Variants in CASP10 observed in about 807,000 individuals in gnomAD.
CASP10 encodes the protein caspase 10.
In CASP10, 41 loss-of-function variants were observed where a neutral mutation model predicts 48.5. The observed-to-expected ratio is 0.85, with a 90% CI of 0.66 to 1.10. The LOEUF (loss-of-function observed/expected upper bound fraction) is 1.10. Ranked by LOEUF, CASP10 falls within the 50% of genes least tolerant of loss-of-function variation. CASP10 has a pLI of 0.00. For synonymous variants in CASP10, 232 were observed against 238.4 expected, an observed-to-expected ratio of 0.97 and a Z score of 0.25; for missense variants, 614 against 614.5, an observed-to-expected ratio of 1.00 and a Z score of 0.01.
chr2:201,224,827 C>G (rs1191976898), downstream of CASP10, among the ~76,000 whole-genome samples: 1 of 152,066 alleles, frequency 6.6e-6, no homozygotes, highest in African/African-American at 2.4e-5. Context: ...TTTCTGATTA[C>G]ATAGTAATGT....
rs1271172644 is a variant in CASP10, at chr2:201,217,979, T to G, written c.*238T>G. On this transcript the variant is annotated 3_prime_UTR_variant, in exon 10 of 10. Transcript: ENST00000286186. Reference sequence around the variant, plus strand: ...CCCAGACTGGAGTGCAGGGGGGCAATCACGGCTCACTGTAGTCTCGACCTC... The same window carrying G: ...CCCAGACTGGAGTGCAGGGGGGCAAGCACGGCTCACTGTAGTCTCGACCTC... The G allele has an allele frequency of 5.3e-6, 6 of 1,125,630 alleles. No individual in the cohort carries two copies. Among genetic ancestry groups the G allele is most frequent in the Non-Finnish European group, 7.0e-6 (6 of 858,634 alleles). 69.7% of individuals were successfully genotyped at this position (1,125,630 alleles called of 1,614,324 possible). A position where few individuals can be genotyped will look rare whatever the true frequency, so the allele number is the denominator to read the frequency against.
chr2:201,209,370 C>T lies in CASP10; in HGVS notation c.1223C>T (p.Pro408Leu), dbSNP rs1287968835. Residue 408 changes from proline (P) to leucine (L), a missense_variant, in exon 9 of 10, where the codon CCT becomes CTT. Coordinates refer to ENST00000286186, the MANE Select transcript of CASP10 (RefSeq NM_032977.4). The part of the protein sequence containing the change: ...IQACQGEEIQ[P>L]SVSIEADALN... ...GCCTGCCAAGGTGAAGAGATACAGC[C>T]TTCCGTATCCATCGAAGCAGATGCT... 1.9e-6 allele frequency: 3 copies of T among 1,614,148 alleles called. No homozygotes were observed. The highest frequency in any genetic ancestry group is 1.7e-5 in the Admixed American group (1 of 60,012).
At position 201,220,201 on chromosome 2, in the gene CASP10, C is replaced by A; in HGVS notation, c.*2460C>A. ...ACACCGTCATCTTAGACAAACACCG[C>A]CACTTTAAGTTCCAGTTCCCTTTCT... On this transcript the variant is annotated 3_prime_UTR_variant, in exon 10 of 10. Transcript: ENST00000286186. The A allele has an allele frequency of 1.1e-6, 1 of 947,250 alleles. No homozygotes were observed. Among genetic ancestry groups the A allele is most frequent in the Non-Finnish European group, 1.3e-6 (1 of 795,162 alleles). The allele number at this position is 947,250 out of a possible 1,614,324, so 58.7% of individuals were successfully genotyped here.
intron 7 of CASP10, among the ~76,000 whole-genome samples, chr2:201,207,209 A>G (rs1945234499): frequency 6.6e-6 from 1 of 152,250 alleles, no homozygotes; most frequent in African/African-American, 2.4e-5. Flanking sequence ...AATTTTATTC[A>G]GATCACAATT....
chr2:201,183,858 TTATTTATTTA>T (rs1576053516), intron 1 of CASP10, among the ~76,000 whole-genome samples: 1 of 33,926 alleles, frequency 2.9e-5, no homozygotes, highest in African/African-American at 2.2e-4. Flanking sequence ...CTTCCTTCCT[TTATTTATTTA>T]TTTATTTATT....
In CASP10 at chr2:201,208,141, T is replaced by G. The variant is rs745398864; in HGVS notation, c.880T>G (p.Phe294Val). ...GLCVIVNNHS[F>V]TSLKDRQGTH... The stretch of plus-strand genomic sequence containing the variant: ...CTGTGTCATTGTCAACAACCACAGC[T>G]TTACCTCCCTGAAGGACAGACAAGG... Residue 294 changes from phenylalanine to valine, a missense_variant, in exon 8 of 10, where the codon TTT becomes GTT. By Grantham distance (50) the Phe-to-Val change is conservative (BLOSUM62 -1). Transcript: ENST00000286186. The G allele has an allele frequency of 6.2e-7, 1 of 1,614,020 alleles. No individual in the cohort carries two copies.
At chr2:201,187,549 A>C (rs1376286583) in intron 2 of CASP10, 157 bp from the exon 3 acceptor site, 1 of 700,852 alleles carries the variant, frequency 1.4e-6, no homozygotes, top group Non-Finnish European at 2.6e-6. Context: ...TAGAAACTGA[A>C]AGTTTTCATT....
At chr2:201,227,087 CAG>C (rs1491300563) in intron 9 of CASP10, among the ~76,000 whole-genome samples, 2 of 151,652 alleles carry the variant, frequency 1.3e-5, no homozygotes, top group African/African-American at 2.4e-5. Flanking sequence ...CTTGGGGGGA[CAG>C]GGGGGAACAT....
In CASP10 at chr2:201,209,230, T is replaced by C; in HGVS notation, c.1083T>C (p.Phe361=). The C allele has an allele frequency of 6.2e-7, 1 of 1,614,164 alleles. No homozygotes were observed. Among genetic ancestry groups the C allele is most frequent in the Non-Finnish European group, 8.5e-7 (1 of 1,180,030 alleles). The change falls in exon 9 of 10, where the codon TTT becomes TTC. Residue 361 remains phenylalanine, a synonymous_variant. Coordinates refer to ENST00000286186, the MANE Select transcript of CASP10 (RefSeq NM_032977.4). ...FVFCILTHGR[F]GAVYSSDEAL... is the part of the protein sequence containing the mutation. ...TCTGTATTCTGACCCATGGGAGATT[T>C]GGAGCTGTCTACTCTTCGGATGAGG...
chr2:201,210,384 T>A (rs1945355365), intron 9 of CASP10, among the ~76,000 whole-genome samples: 1 of 152,240 alleles, frequency 6.6e-6, no homozygotes, highest in South Asian at 2.1e-4. Context: ...CCTGATATAT[T>A]GTGAGCTTGT....
chr2:201,190,849 A>AATTATTATTATTATT (rs574770979), intron 3 of CASP10, among the ~76,000 whole-genome samples: 2 of 150,032 alleles, frequency 1.3e-5, no homozygotes, highest in African/African-American at 4.9e-5. Context: ...GTGGCTACAG[A>AATTATTATTATTATT]ATTATTATTA....
rs1945328628 is a variant in CASP10, at chr2:201,209,550, A to T, written c.1403A>T (p.Lys468Ile). The T allele has an allele frequency of 6.2e-7, 1 of 1,607,908 alleles. No individual in the cohort carries two copies. The change falls in exon 9 of 10, where the codon AAA becomes ATA. Residue 468 changes from lysine (K) to isoleucine (I), a missense_variant. By Grantham distance (102) the Lys-to-Ile change is moderately radical. Transcript: ENST00000286186. Reference sequence around the variant, plus strand: ...CAGTCTCTGTGTAATCATCTGAAGAAATTGGTCCCAAGGTGAGAGCTCTTT... The same window carrying T: ...CAGTCTCTGTGTAATCATCTGAAGATATTGGTCCCAAGGTGAGAGCTCTTT... Reference protein sequence around the residue: ...YIQSLCNHLKKLVPRHEDILS... With the variant: ...YIQSLCNHLKILVPRHEDILS...
exon 10 of CASP10, chr2:201,228,965 T>C (rs1945825399): frequency 6.2e-7 from 1 of 1,613,996 alleles, no homozygotes; most frequent in Non-Finnish European, 8.5e-7. Context: ...ACAATGGAAA[T>C]CAGGGGCAGG....
chr2:201,208,542 G>A (rs932870591), intron 8 of CASP10: 1 of 162,986 alleles, frequency 6.1e-6, no homozygotes, highest in Non-Finnish European at 1.3e-5. Context: ...GGCCACTGCC[G>A]ATTCTCAGGA....
chr2:201,217,792 C>T lies in CASP10; in HGVS notation c.*51C>T. 6.2e-7 allele frequency: 1 copy of T among 1,613,274 alleles called. No homozygotes were observed. ...CCTCAAACGAATCATTGGCTATAACCTCCAGCCTCCTGCCCAGCACAGGAA... is the reference window on the plus strand; with the variant it reads ...CCTCAAACGAATCATTGGCTATAACTTCCAGCCTCCTGCCCAGCACAGGAA... On this transcript the variant is annotated 3_prime_UTR_variant, in exon 10 of 10. Transcript: ENST00000286186.
chr2:201,220,774 A>T lies in CASP10; in HGVS notation c.*3033A>T. 2 of 985,350 alleles carry T rather than the reference A, an allele frequency of 2.0e-6. No individual in the cohort carries two copies. Among genetic ancestry groups the T allele is most frequent in the South Asian group, 9.4e-5 (2 of 21,292 alleles). 61.0% of individuals were successfully genotyped at this position (985,350 alleles called of 1,614,324 possible). A position where few individuals can be genotyped will look rare whatever the true frequency, so the allele number is the denominator to read the frequency against. ...AGGATGATCTCCCAAAACCGTGTTC[A>T]TAACAGTCAGGGCCAAAAGCTAGTG... On this transcript the variant is annotated 3_prime_UTR_variant, in exon 10 of 10. Transcript: ENST00000286186.
At chr2:201,207,668 A>C (rs1945251273) in intron 7 of CASP10, among the ~76,000 whole-genome samples, 1 of 151,580 alleles carries the variant, frequency 6.6e-6, no homozygotes, top group African/African-American at 2.4e-5. Flanking sequence ...GAGGCAGAAG[A>C]CTCGCTTGAA....
At chr2:201,215,211 G>GTTTT (rs10616229) in intron 9 of CASP10, among the ~76,000 whole-genome samples, 14 of 29,890 alleles carry the variant, frequency 4.7e-4, no homozygotes, top group Admixed American at 1.5e-3. Flanking sequence ...TCTTCCCTCG[G>GTTTT]TTTTTTTTTT....
At chr2:201,199,853 C>T (rs191716066) in intron 5 of CASP10, among the ~76,000 whole-genome samples, 8 of 152,216 alleles carry the variant, frequency 5.3e-5, no homozygotes, top group South Asian at 2.1e-4. Context: ...GGATTACAGG[C>T]GTGAGCCACC....
Sources: allele counts gnomAD v4.1 joint callset (sites outside exome capture counted in the v4.1 genomes callset), GRCh38; gene constraint gnomAD v4.1.1; transcripts MANE v1.5; gene names NCBI Gene and HGNC (gene_info 2026-07-23, HGNC 2026-07-21).